SLC25A12: variants seen among roughly 807,000 people sequenced by gnomAD.
The protein encoded by SLC25A12 is electrogenic aspartate/glutamate antiporter SLC25A12, mitochondrial.
SLC25A12 carries 32 observed loss-of-function variants against 83.3 expected under a neutral mutation model. The ratio of observed to expected loss-of-function variants is 0.38; its 90% CI spans 0.29 to 0.52. The LOEUF (loss-of-function observed/expected upper bound fraction) is 0.52. Ranked by LOEUF, SLC25A12 falls within the 20% of genes least tolerant of loss-of-function variation. The pLI, the probability that SLC25A12 is intolerant of heterozygous loss-of-function variation, is 0.84. For missense variants in SLC25A12, 611 were observed against 835.6 expected, an observed-to-expected ratio of 0.73 and a Z score of 3.31; for synonymous variants, 267 against 291.1, an observed-to-expected ratio of 0.92 and a Z score of 0.84.
rs74681329 is a variant in SLC25A12, at chr2:171,881,775, T to G, written c.66+11430A>C. On this transcript the variant is annotated intron_variant, in intron 2 of 17. Transcript: ENST00000422440. ...ACCTTGCACAGTACCTGGCTCTTTG[T>G]AGGACAATCAATAGCAATCTGTGTT... 1.0e-3 allele frequency among the ~76,000 whole-genome samples: 159 copies of G among 152,288 alleles called. 3 individuals are homozygous for G. In the East Asian group the frequency reaches 0.03, roughly 29 times the overall value.
intron 13 of SLC25A12, among the ~76,000 whole-genome samples, chr2:171,802,964 A>AGTGT (rs3058855): frequency 0.031 from 4,627 of 150,248 alleles, 217 homozygotes; most frequent in African/African-American, 0.1. Context: ...GGTTTTAAAA[A>AGTGT]GTGTGTGTGT....
At chr2:171,861,327 C>T (rs1685155117) in intron 3 of SLC25A12, among the ~76,000 whole-genome samples, 3 of 152,014 alleles carry the variant, frequency 2.0e-5, no homozygotes, top group Non-Finnish European at 4.4e-5. Context: ...ATACTTACTG[C>T]ATTATAATGC....
At chr2:171,791,382 G>T in intron 15 of SLC25A12, 69 bp downstream of exon 15, 1 of 1,287,516 alleles carries the variant, frequency 7.8e-7, no homozygotes, top group Non-Finnish European at 1.1e-6. Context: ...AAGGGGGAAA[G>T]TACATAGAGA....
In SLC25A12 at chr2:171,785,450, G is replaced by A. The variant is rs1690470446; in HGVS notation, c.1861C>T (p.Pro621Ser). The change falls in exon 18 of 18, where the codon CCT (proline) becomes TCT (serine). Residue 621 changes from proline (P) to serine (S), a missense_variant. This residue lies in a region of SLC25A12 where 540 missense variants were observed against 777.5 expected (regional missense o/e 0.69). Transcript: ENST00000422440. ...GGAAGGTCTGCAATGCGTGACTTAGGTGTTGGTTCTGAACCAGCGGGTTTG... is the reference window on the plus strand; with the variant it reads ...GGAAGGTCTGCAATGCGTGACTTAGATGTTGGTTCTGAACCAGCGGGTTTG... The part of the protein sequence containing the change: ...GLKPAGSEPT[P>S]KSRIADLPPA... 2.5e-6 allele frequency: 4 copies of A among 1,614,186 alleles called. No individual in the cohort carries two copies. Among genetic ancestry groups the A allele is most frequent in the East Asian group, 2.2e-5 (1 of 44,894 alleles).
intron 2 of SLC25A12, among the ~76,000 whole-genome samples, chr2:171,890,463 T>C (rs1373366305): frequency 3.6e-5 from 5 of 139,784 alleles, no homozygotes; most frequent in Non-Finnish European, 7.7e-5. Context: ...CTAGCAATAC[T>C]GTATCGTGTG....
intron 3 of SLC25A12, among the ~76,000 whole-genome samples, chr2:171,857,701 A>T (rs186272937): frequency 9.2e-5 from 14 of 152,154 alleles, no homozygotes; most frequent in East Asian, 7.7e-4. Context: ...AATTTTTTTT[A>T]AATAAAAATG....
At chr2:171,878,197 G>A (rs971409987) in intron 2 of SLC25A12, among the ~76,000 whole-genome samples, 10 of 152,074 alleles carry the variant, frequency 6.6e-5, no homozygotes, top group Non-Finnish European at 1.2e-4. Flanking sequence ...ATGGCACGAC[G>A]GACACTAAAA....
intron 5 of SLC25A12, among the ~76,000 whole-genome samples, chr2:171,842,024 T>C (rs1684681595): frequency 1.3e-5 from 2 of 152,150 alleles, no homozygotes; most frequent in Admixed American, 1.3e-4. Context: ...TACACTCCTA[T>C]GTATATAGCC....
At chr2:171,871,322 TG>T in intron 2 of SLC25A12, among the ~76,000 whole-genome samples, 1 of 152,288 alleles carries the variant, frequency 6.6e-6, no homozygotes, top group African/African-American at 2.4e-5. Context: ...CCCAACACTT[TG>T]GGATGCCAAG....
chr2:171,815,146 T>A lies in SLC25A12; in HGVS notation c.987A>T (p.Arg329Ser). 6.2e-7 allele frequency: 1 copy of A among 1,613,764 alleles called. No homozygotes were observed. The highest frequency in any genetic ancestry group is 8.5e-7 in the Non-Finnish European group (1 of 1,179,816). Residue 329 changes from arginine to serine, a missense_variant, in exon 10 of 18, where the codon AGA becomes AGT. By Grantham distance (110) the Arg-to-Ser change is moderately radical. Transcript: ENST00000422440. ...IWLQIAESAYRFTLGSVAGAV... is the reference protein window; with the variant it reads ...IWLQIAESAYSFTLGSVAGAV... ...CTCCAGCAACTGAGCCCAGAGTGAA[T>A]CTGTAAGCAGACTCGGCAATCTGGA...
chr2:171,881,471 G>T (rs11675404), intron 2 of SLC25A12, among the ~76,000 whole-genome samples: 34,589 of 151,962 alleles, frequency 0.23, 4,773 homozygotes, highest in Middle Eastern at 0.34. Context: ...CTGTGTAAAT[G>T]TATGGGGAAA....
intron 4 of SLC25A12, among the ~76,000 whole-genome samples, chr2:171,855,241 G>T (rs1251625930): frequency 1.3e-5 from 2 of 152,176 alleles, no homozygotes; most frequent in African/African-American, 2.4e-5. Flanking sequence ...GTATACACCT[G>T]TGAAACATCA....
intron 2 of SLC25A12, among the ~76,000 whole-genome samples, chr2:171,869,076 A>T (rs1387479104): frequency 6.6e-6 from 1 of 152,240 alleles, no homozygotes; most frequent in East Asian, 1.9e-4. Flanking sequence ...GACAGACACT[A>T]AAGGCCATAT....
intron 6 of SLC25A12, among the ~76,000 whole-genome samples, chr2:171,836,107 C>G (rs565038905): frequency 6.6e-6 from 1 of 152,106 alleles, no homozygotes; most frequent in Admixed American, 6.6e-5. Context: ...CCCTTTCTTT[C>G]CTTCCTTCTT....
chr2:171,891,265 T>C (rs925864366), intron 2 of SLC25A12, among the ~76,000 whole-genome samples: 2 of 151,752 alleles, frequency 1.3e-5, no homozygotes, highest in African/African-American at 4.8e-5. Context: ...CGCCAGTGCA[T>C]TCCAGCCTGG....
In SLC25A12 at chr2:171,885,916, T is replaced by G. The variant is rs551434495; in HGVS notation, c.66+7289A>C. Reference sequence around the variant, plus strand: ...TCACTTGCTCAAAGCTTAATACATATACATTGAGACTATTTTTATTTTCCT... The same window carrying G: ...TCACTTGCTCAAAGCTTAATACATAGACATTGAGACTATTTTTATTTTCCT... On this transcript the variant is annotated intron_variant, in intron 2 of 17. Coordinates refer to ENST00000422440, the MANE Select transcript of SLC25A12 (RefSeq NM_003705.5). Among the ~76,000 whole-genome samples, 13 of 152,336 alleles carry G rather than the reference T, an allele frequency of 8.5e-5. No homozygotes were observed. The South Asian group carries it at 2.7e-3, about 32-fold the overall frequency.
At chr2:171,862,141 T>C (rs1177091677) in intron 3 of SLC25A12, among the ~76,000 whole-genome samples, 6 of 152,104 alleles carry the variant, frequency 3.9e-5, no homozygotes, top group Non-Finnish European at 5.9e-5. Flanking sequence ...AGGAAAACAC[T>C]TGGGGAAAAA....
At chr2:171,874,021 G>A (rs1225498398) in intron 2 of SLC25A12, among the ~76,000 whole-genome samples, 1 of 152,124 alleles carries the variant, frequency 6.6e-6, no homozygotes, top group Non-Finnish European at 1.5e-5. Context: ...AGGTCCGGGA[G>A]TTCGAGACCA....
intron 2 of SLC25A12, among the ~76,000 whole-genome samples, chr2:171,884,119 A>T (rs1685759424): frequency 7.0e-6 from 1 of 142,132 alleles, no homozygotes; most frequent in Admixed American, 7.3e-5. Context: ...GCCTCAAGTG[A>T]TCCTCCTGCT....
Sources: gnomAD v4.1 joint callset for allele counts (sites outside exome capture counted in the v4.1 genomes callset) on GRCh38, gnomAD v4.1.1 for gene constraint, gnomAD v4.1.1 regional missense constraint, MANE v1.5 for transcripts, NCBI Gene and HGNC (gene_info 2026-07-23, HGNC 2026-07-21) for gene names.